The following KIF16B variants were observed in gnomAD, a reference collection of about 807,000 sequenced individuals.
KIF16B encodes the protein kinesin family member 16B.
A neutral mutation model predicts 156.3 loss-of-function variants in KIF16B; 98 were observed. The observed-to-expected ratio is 0.63, with a 90% CI of 0.53 to 0.74. The LOEUF (loss-of-function observed/expected upper bound fraction) is 0.74. Among genes scored for constraint, KIF16B ranks in the 30% least tolerant of loss-of-function variants. The pLI is 0.00. For missense variants in KIF16B, 1,421 were observed against 1,606.5 expected (o/e 0.88, Z 1.97); for synonymous variants, 564 against 583.7 (o/e 0.97, Z 0.49).
At chr20:16,317,474 C>T (rs2063713953) in intron 24 of KIF16B, among the ~76,000 whole-genome samples, 1 of 152,170 alleles carries the variant, frequency 6.6e-6, no homozygotes, top group East Asian at 1.9e-4. Context: ...TGTAAGATTT[C>T]ATTTTCGTAA....
rs1195189589 is a variant in KIF16B at position 16,291,355 on chromosome 20, A to G, written c.3796-17944T>C. On this transcript the variant is annotated intron_variant, in intron 25 of 25. Coordinates refer to ENST00000354981, the MANE Select transcript of KIF16B (RefSeq NM_024704.5). ...TAAGGTCTGAGAAGTTGCTGTAGACAAAAAATGAAGAATGGTGTTGATTAG... is the reference window on the plus strand; with the variant it reads ...TAAGGTCTGAGAAGTTGCTGTAGACGAAAAATGAAGAATGGTGTTGATTAG... Among the ~76,000 whole-genome samples the G allele has an allele frequency of 4.0e-5, 6 of 150,332 alleles. No individual in the cohort carries two copies. In the East Asian group the frequency reaches 5.8e-4, roughly 14 times the overall value.
intron 12 of KIF16B, among the ~76,000 whole-genome samples, chr20:16,467,808 A>G (rs925835267): frequency 6.6e-6 from 1 of 152,102 alleles, no homozygotes; most frequent in African/African-American, 2.4e-5. Context: ...TGGAAAAGGA[A>G]TAAGTGAAGA....
intron 24 of KIF16B, among the ~76,000 whole-genome samples, chr20:16,319,269 T>C (rs1384266600): frequency 1.3e-5 from 2 of 152,170 alleles, no homozygotes; most frequent in East Asian, 3.8e-4. Context: ...GGCTCACTAG[T>C]TATGACAAAT....
chr20:16,375,213 G>A (rs1308328611), intron 19 of KIF16B, among the ~76,000 whole-genome samples: 1 of 152,228 alleles, frequency 6.6e-6, no homozygotes, highest in Non-Finnish European at 1.5e-5. Flanking sequence ...GCCCCAGGAA[G>A]CAGGAGACTG....
chr20:16,538,729 T>C (rs1363635767), intron 1 of KIF16B, among the ~76,000 whole-genome samples: 1 of 152,222 alleles, frequency 6.6e-6, no homozygotes, highest in East Asian at 1.9e-4. Context: ...AGTTTCTACA[T>C]TTGTCCCCAC....
chr20:16,441,101 T>C (rs1361105356), intron 12 of KIF16B, among the ~76,000 whole-genome samples: 3 of 152,164 alleles, frequency 2.0e-5, no homozygotes, highest in African/African-American at 7.2e-5. Context: ...ATATTCAGGA[T>C]GGTTCATCAG....
intron 24 of KIF16B, among the ~76,000 whole-genome samples, chr20:16,317,514 C>T (rs6111051): frequency 6.6e-6 from 1 of 152,200 alleles, no homozygotes; most frequent in Non-Finnish European, 1.5e-5. Context: ...CCCCTTACAA[C>T]TTTTTTGGAG....
chr20:16,462,687 G>A (rs1425377286), intron 12 of KIF16B, among the ~76,000 whole-genome samples: 2 of 152,098 alleles, frequency 1.3e-5, no homozygotes. Flanking sequence ...GAGAGTCCTT[G>A]GCAAGGTTTC....
At chr20:16,398,871 C>T (rs1008913316) in intron 17 of KIF16B, among the ~76,000 whole-genome samples, 4 of 152,140 alleles carry the variant, frequency 2.6e-5, no homozygotes, top group East Asian at 1.9e-4. Flanking sequence ...AGGCAGAAGC[C>T]AGCATGAGGG....
intron 25 of KIF16B, among the ~76,000 whole-genome samples, chr20:16,286,127 C>T (rs968487097): frequency 1.3e-5 from 2 of 152,172 alleles, no homozygotes; most frequent in African/African-American, 4.8e-5. Context: ...CAGAACTTAA[C>T]ACAGTGTCTC....
chr20:16,281,939 T>C (rs550573267), intron 25 of KIF16B, among the ~76,000 whole-genome samples: 1 of 152,246 alleles, frequency 6.6e-6, no homozygotes, highest in Admixed American at 6.5e-5. Flanking sequence ...CTCTTCAGAC[T>C]TCATTCATGC....
In KIF16B at chr20:16,528,370, C is replaced by G. The variant is rs2069625868; in HGVS notation, c.117+1G>C. The G allele has an allele frequency of 1.2e-6, 2 of 1,612,872 alleles. No homozygotes were observed. The highest frequency in any genetic ancestry group is 2.2e-5 in the South Asian group (2 of 91,050). On this transcript the variant is annotated splice_donor_variant, in intron 2 of 25. Coordinates refer to ENST00000354981, the MANE Select transcript of KIF16B (RefSeq NM_024704.5). LOFTEE classifies it high-confidence loss of function. ...TTAAGCAAGGCCAGGTCATGACTTG[C>G]CTTTAAGTTTGTGATTGTCGTTTTG...
At chr20:16,558,623 G>A (rs1249328652) in intron 1 of KIF16B, among the ~76,000 whole-genome samples, 1 of 152,204 alleles carries the variant, frequency 6.6e-6, no homozygotes, top group African/African-American at 2.4e-5. Flanking sequence ...TGGGGGTAGG[G>A]TGGGTGCGAT....
intron 24 of KIF16B, among the ~76,000 whole-genome samples, chr20:16,330,838 G>T (rs915805395): frequency 6.6e-6 from 1 of 152,266 alleles, no homozygotes; most frequent in Non-Finnish European, 1.5e-5. Context: ...TGCCTATGGA[G>T]TTGTTATAAG....
intron 12 of KIF16B, among the ~76,000 whole-genome samples, chr20:16,474,772 C>T (rs2067763769): frequency 1.3e-5 from 2 of 152,158 alleles, no homozygotes; most frequent in Non-Finnish European, 2.9e-5. Flanking sequence ...TAAACCCAGG[C>T]CACCAGCAGT....
chr20:16,479,809 T>G (rs540973219), intron 12 of KIF16B, among the ~76,000 whole-genome samples: 1 of 152,216 alleles, frequency 6.6e-6, no homozygotes, highest in African/African-American at 2.4e-5. Flanking sequence ...TCTAGGTCTG[T>G]GTAAGTCACT....
At chr20:16,495,731 C>G (rs1376001093) in intron 11 of KIF16B, among the ~76,000 whole-genome samples, 1 of 152,074 alleles carries the variant, frequency 6.6e-6, no homozygotes, top group African/African-American at 2.4e-5. Flanking sequence ...ACACTGTTGC[C>G]TGGGTTGGAG....
rs80192072 is a variant in KIF16B, at chr20:16,572,180, T to C, written c.47+1049A>G. On this transcript the variant is annotated intron_variant, in intron 1 of 25. Transcript: ENST00000354981. Reference sequence around the variant, plus strand: ...AGATTCTGAAAACACTGGGTTTTAATGATTACAAACCAAAATAATGATTCC... The same window carrying C: ...AGATTCTGAAAACACTGGGTTTTAACGATTACAAACCAAAATAATGATTCC... Among the ~76,000 whole-genome samples, 715 of 152,318 alleles carry C rather than the reference T, an allele frequency of 4.7e-3. 12 individuals are homozygous for C. Among genetic ancestry groups the C allele is most frequent in the East Asian group, 0.043 (222 of 5,194 alleles).
intron 12 of KIF16B, among the ~76,000 whole-genome samples, chr20:16,443,974 C>T (rs890920130): frequency 3.9e-5 from 6 of 152,168 alleles, no homozygotes; most frequent in East Asian, 1.9e-4. Context: ...TACAATGTAA[C>T]GTACACATGC....
Sources: allele counts gnomAD v4.1 joint callset (sites outside exome capture counted in the v4.1 genomes callset), GRCh38; gene constraint gnomAD v4.1.1; transcripts MANE v1.5; gene names NCBI Gene and HGNC (gene_info 2026-07-23, HGNC 2026-07-21).